The following GMEB1 variants were observed in gnomAD, a reference collection of about 807,000 sequenced individuals.
The protein encoded by GMEB1 is glucocorticoid modulatory element-binding protein 1.
GMEB1 carries 6 observed loss-of-function variants against 52.4 expected under a neutral mutation model. The observed-to-expected ratio is 0.11, with a 90% CI of 0.06 to 0.23. The LOEUF is 0.23. Among genes scored for constraint, GMEB1 ranks in the 10% least tolerant of loss-of-function variants. The pLI, the probability that GMEB1 is intolerant of heterozygous loss-of-function variation, is 1.00. For missense variants in GMEB1, 486 were observed against 685.6 expected, an observed-to-expected ratio of 0.71 and a Z score of 3.25; for synonymous variants, 255 against 244.9, an observed-to-expected ratio of 1.04 and a Z score of -0.38.
chr1:28,689,281 C>T (rs1557505946), intron 2 of GMEB1, among the ~76,000 whole-genome samples: 1 of 152,104 alleles, frequency 6.6e-6, no homozygotes, highest in African/African-American at 2.4e-5. Flanking sequence ...CCACCTCAAC[C>T]TCCCAAAGTA....
intron 8 of GMEB1, among the ~76,000 whole-genome samples, chr1:28,705,570 C>T (rs1318093751): frequency 6.7e-6 from 1 of 150,198 alleles, no homozygotes; most frequent in African/African-American, 2.4e-5. Flanking sequence ...CTGCCTTAGA[C>T]TCCTGAGTAG....
intron 6 of GMEB1, among the ~76,000 whole-genome samples, chr1:28,699,759 T>G (rs926956114): frequency 2.0e-5 from 3 of 151,086 alleles, no homozygotes; most frequent in Non-Finnish European, 3.0e-5. Context: ...CTTTTTTGCC[T>G]TGTCTTACGG....
Position 28,714,410 on chromosome 1 carries a change from C to G in GMEB1, c.1329C>G (p.Ser443=), listed in dbSNP as rs550374776. The change falls in exon 10 of 10, where the codon TCC becomes TCG. Residue 443 remains serine (S), a synonymous_variant. Coordinates refer to ENST00000373816, the MANE Select transcript of GMEB1 (RefSeq NM_001319674.2). ...PQLFRYATVV[S]SAKSSSPDTV... ...TCTTCCGCTATGCCACAGTGGTCTC[C>G]TCTGCCAAGAGCAGCTCACCAGACA... 6.2e-7 allele frequency: 1 copy of G among 1,614,214 alleles called. No individual in the cohort carries two copies. The highest frequency in any genetic ancestry group is 1.3e-5 in the African/African-American group (1 of 75,056).
In GMEB1 at chr1:28,717,836, C is replaced by T. The variant is rs772301125; in HGVS notation, c.*3063C>T. On this transcript the variant is annotated 3_prime_UTR_variant, in exon 10 of 10. Transcript: ENST00000373816. The stretch of plus-strand genomic sequence containing the variant: ...ACAGAAGAGCCCTCGTGAATACCAA[C>T]GTGCTAGCTCAGGTTCCCTTCTTTC... 3.9e-5 allele frequency: 6 copies of T among 152,296 alleles called. No individual in the cohort carries two copies. The highest frequency in any genetic ancestry group is 1.9e-4 in the East Asian group (1 of 5,186). 9.4% of individuals were successfully genotyped at this position (152,296 alleles called of 1,614,324 possible). A position where few individuals can be genotyped will look rare whatever the true frequency, so the allele number is the denominator to read the frequency against.
At chr1:28,671,804 A>G (rs578030797) in intron 1 of GMEB1, among the ~76,000 whole-genome samples, 22 of 152,102 alleles carry the variant, frequency 1.4e-4, no homozygotes, top group Middle Eastern at 3.4e-3. Flanking sequence ...TTCAAAAGTT[A>G]TAATAGAGTG....
chr1:28,718,406 T>C lies in GMEB1; in HGVS notation c.*3633T>C, dbSNP rs1475907079. ...TGAGGCCAAGAGTTTAAGACTAGCCTGGTCAACATAGCCAGACCCCATCTC... is the reference window on the plus strand; with the variant it reads ...TGAGGCCAAGAGTTTAAGACTAGCCCGGTCAACATAGCCAGACCCCATCTC... On this transcript the variant is annotated 3_prime_UTR_variant, in exon 10 of 10. Transcript: ENST00000373816. 1.3e-5 allele frequency: 2 copies of C among 152,168 alleles called. No homozygotes were observed. The highest frequency in any genetic ancestry group is 1.5e-5 in the Non-Finnish European group (1 of 68,040). 9.4% of individuals were successfully genotyped at this position (152,168 alleles called of 1,614,324 possible). A position where few individuals can be genotyped will look rare whatever the true frequency, so the allele number is the denominator to read the frequency against.
intron 3 of GMEB1, among the ~76,000 whole-genome samples, chr1:28,690,494 T>C (rs916003877): frequency 1.3e-5 from 2 of 152,086 alleles, no homozygotes; most frequent in Non-Finnish European, 2.9e-5. Context: ...TTAAATAAGT[T>C]GTTGATGATG....
rs745472720 is a variant in GMEB1 at position 28,714,073 on chromosome 1, A to G, written c.992A>G (p.Asp331Gly). ...GEEQFLYTLT[D>G]LERQLEEQKK... ...CAAAGTCTTTTCTTTTTTTCCATAG[A>G]CTTGGAACGCCAGTTGGAGGAGCAG... Residue 331 changes from aspartate to glycine, a missense_variant and splice_region_variant, in exon 10 of 10, where the codon GAC becomes GGC. Coordinates refer to ENST00000373816, the MANE Select transcript of GMEB1 (RefSeq NM_001319674.2). 26 of 1,604,062 alleles carry G rather than the reference A, an allele frequency of 1.6e-5. No individual in the cohort carries two copies. Among genetic ancestry groups the G allele is most frequent in the Non-Finnish European group, 1.7e-5 (20 of 1,173,168 alleles).
rs1434863111 is a variant in GMEB1 at position 28,719,009 on chromosome 1, C to T, written c.*4236C>T. 2 of 152,192 alleles carry T rather than the reference C, an allele frequency of 1.3e-5. No homozygotes were observed. The highest frequency in any genetic ancestry group is 2.9e-5 in the Non-Finnish European group (2 of 68,038). 9.4% of individuals were successfully genotyped at this position (152,192 alleles called of 1,614,324 possible). ...AAAGTCTTCAGTCTCTTGCTTCTGC[C>T]TGCAAAGCAAGGCAGAGTCAGCAAC... is the stretch of plus-strand genomic sequence containing the variant. On this transcript the variant is annotated 3_prime_UTR_variant, in exon 10 of 10. Coordinates refer to ENST00000373816, the MANE Select transcript of GMEB1 (RefSeq NM_001319674.2).
At chr1:28,668,667 A>G (rs543842076), upstream of GMEB1, 161 of 153,652 alleles carry the variant, frequency 1.0e-3, no homozygotes, top group African/African-American at 3.7e-3. Flanking sequence ...CCTCGGTGGG[A>G]CCGGCAATAG....
At chr1:28,701,546 G>T (rs572762939) in intron 6 of GMEB1, among the ~76,000 whole-genome samples, 1 of 152,140 alleles carries the variant, frequency 6.6e-6, no homozygotes, top group East Asian at 1.9e-4. Flanking sequence ...GGGATTACAG[G>T]CGTGAGCCAC....
In GMEB1 at chr1:28,683,619, A is replaced by C; in HGVS notation, c.7A>C (p.Asn3His). The C allele has an allele frequency of 6.2e-7, 1 of 1,600,504 alleles. No homozygotes were observed. The highest frequency in any genetic ancestry group is 8.5e-7 in the Non-Finnish European group (1 of 1,174,990). The change falls in exon 2 of 10, where the codon AAT becomes CAT. Residue 3 changes from asparagine (N) to histidine (H), a missense_variant. By Grantham distance (68) the Asn-to-His change is moderately conservative. Around this residue, in one of 5 missense-constraint regions of GMEB1, gnomAD observed 88 missense variants for 96.5 expected, o/e 0.91. Coordinates refer to ENST00000373816, the MANE Select transcript of GMEB1 (RefSeq NM_001319674.2). MA[N>H]AEVSVPVGDV... ...ATCTGACTTCATGTGAAAGATGGCT[A>C]ATGCAGAAGTGAGTGTCCCAGTGGG...
At chr1:28,712,315 C>T (rs924475798) in intron 9 of GMEB1, among the ~76,000 whole-genome samples, 20 of 152,256 alleles carry the variant, frequency 1.3e-4, no homozygotes, top group African/African-American at 4.8e-4. Context: ...GAACCCTGTA[C>T]TTTTGAGGTT....
At chr1:28,686,650 A>G (rs1288489979) in intron 2 of GMEB1, among the ~76,000 whole-genome samples, 2 of 139,758 alleles carry the variant, frequency 1.4e-5, no homozygotes, top group African/African-American at 2.6e-5. Context: ...AAAAAAAAGG[A>G]CATTATTCAT....
intron 1 of GMEB1, among the ~76,000 whole-genome samples, chr1:28,682,931 G>A (rs1669461750): frequency 6.6e-6 from 1 of 152,284 alleles, no homozygotes; most frequent in Non-Finnish European, 1.5e-5. Context: ...TTTACGCCCA[G>A]CATCGCTGAT....
At chr1:28,708,172 T>C (rs1670868239) in intron 8 of GMEB1, among the ~76,000 whole-genome samples, 2 of 152,122 alleles carry the variant, frequency 1.3e-5, no homozygotes, top group Admixed American at 1.3e-4. Flanking sequence ...GTGCTGGGAT[T>C]ATAGGCGTGA....
intron 3 of GMEB1, among the ~76,000 whole-genome samples, chr1:28,691,343 C>G (rs917403623): frequency 2.0e-5 from 3 of 152,054 alleles, no homozygotes; most frequent in Non-Finnish European, 2.9e-5. Flanking sequence ...ATCATTGCCT[C>G]ACAGGTTTGT....
At chr1:28,675,144 A>C (rs1282542957) in intron 1 of GMEB1, among the ~76,000 whole-genome samples, 1 of 150,918 alleles carries the variant, frequency 6.6e-6, no homozygotes, top group Non-Finnish European at 1.5e-5. Flanking sequence ...CAGCCTCCCA[A>C]GTAGCTGGGA....
chr1:28,703,487 C>T (rs1256177214), intron 7 of GMEB1, among the ~76,000 whole-genome samples: 1 of 151,896 alleles, frequency 6.6e-6, no homozygotes, highest in Non-Finnish European at 1.5e-5. Flanking sequence ...CATGGAGAAA[C>T]CCCGTCTCTA....
Sources: gnomAD v4.1 joint callset for allele counts (sites outside exome capture counted in the v4.1 genomes callset) on GRCh38, gnomAD v4.1.1 for gene constraint, gnomAD v4.1.1 regional missense constraint, MANE v1.5 for transcripts, NCBI Gene and HGNC (gene_info 2026-07-23, HGNC 2026-07-21) for gene names.